The following KAZN variants were observed in gnomAD, a reference collection of about 807,000 sequenced individuals.
The protein encoded by KAZN is kazrin, periplakin interacting protein.
KAZN carries 40 observed loss-of-function variants against 87.4 expected under a neutral mutation model. The ratio of observed to expected loss-of-function variants is 0.46; its 90% CI spans 0.36 to 0.60. KAZN has a LOEUF of 0.60. Ranked by LOEUF, KAZN falls within the 20% of genes least tolerant of loss-of-function variation. The pLI, the probability that KAZN is intolerant of heterozygous loss-of-function variation, is 0.00. For missense variants in KAZN, 898 were observed against 1,073.9 expected (o/e 0.84, Z 2.29); for synonymous variants, 466 against 458.3 (o/e 1.02, Z -0.22).
chr1:14,227,288 C>A (rs1647374968), intron 2 of KAZN, among the ~76,000 whole-genome samples: 1 of 152,030 alleles, frequency 6.6e-6, no homozygotes, highest in Non-Finnish European at 1.5e-5. Context: ...GCTTTTGGAT[C>A]CTATGGGTCA....
chr1:15,025,306 G>A (rs1671059441), intron 2 of KAZN, among the ~76,000 whole-genome samples: 1 of 152,162 alleles, frequency 6.6e-6, no homozygotes, highest in South Asian at 2.1e-4. Context: ...CATCTCACTG[G>A]TGTGAATAGA....
chr1:14,860,195 C>T (rs1650670752), intron 1 of KAZN, among the ~76,000 whole-genome samples: 1 of 151,480 alleles, frequency 6.6e-6, no homozygotes, highest in South Asian at 2.1e-4. Flanking sequence ...CTCTCTCTCT[C>T]TCTTTCTCTT....
At chr1:14,068,094 C>T (rs1643083992) in intron 1 of KAZN, among the ~76,000 whole-genome samples, 1 of 151,112 alleles carries the variant, frequency 6.6e-6, no homozygotes, top group African/African-American at 2.4e-5. Flanking sequence ...TAACTGCTGG[C>T]AAGAGTGAGG....
chr1:14,877,789 T>G (rs1385818372), intron 1 of KAZN, among the ~76,000 whole-genome samples: 2 of 152,246 alleles, frequency 1.3e-5, no homozygotes, highest in African/African-American at 4.8e-5. Flanking sequence ...GCTTGATAGT[T>G]ATGGAATAAA....
Position 14,528,001 on chromosome 1 carries a change from A to ATCTG in KAZN, c.250-70979_250-70978insGTCT, listed in dbSNP as rs1222218775. Among the ~76,000 whole-genome samples the ATCTG allele has an allele frequency of 6.2e-5, 4 of 64,240 alleles. No homozygotes were observed. The South Asian group carries it at 2.2e-3, about 36-fold the overall frequency. 42.1% of individuals were successfully genotyped at this position (64,240 alleles called of 152,430 possible). A position where few individuals can be genotyped will look rare whatever the true frequency, so the allele number is the denominator to read the frequency against. On this transcript the variant is annotated intron_variant, in intron 2 of 16. Coordinates refer to the KAZN transcript ENST00000636203. ...ATAGTAGTGTCTGGTCTAGAATCCT[A>ATCTG]TCTATCTATCTATCTATCTATCTAT...
At chr1:14,885,910 C>T (rs1557589162) in intron 1 of KAZN, among the ~76,000 whole-genome samples, 1 of 152,138 alleles carries the variant, frequency 6.6e-6, no homozygotes. Flanking sequence ...AACTTCAGAT[C>T]CATGATGTAC....
At chr1:14,497,114 C>T (rs1170931174) in intron 2 of KAZN, among the ~76,000 whole-genome samples, 1 of 152,038 alleles carries the variant, frequency 6.6e-6, no homozygotes, top group African/African-American at 2.4e-5. Flanking sequence ...ACAAAGCATG[C>T]ACAAAAGAGG....
intron 2 of KAZN, among the ~76,000 whole-genome samples, chr1:14,287,206 A>G (rs141579029): frequency 1.3e-5 from 2 of 152,306 alleles, no homozygotes; most frequent in African/African-American, 4.8e-5. Flanking sequence ...TTTACATTTT[A>G]TGACAGATAC....
At chr1:15,071,981 G>A (rs569901782) in intron 8 of KAZN, among the ~76,000 whole-genome samples, 48 of 152,236 alleles carry the variant, frequency 3.2e-4, no homozygotes, top group African/African-American at 1.0e-3. Context: ...AATCCTCAAC[G>A]GAAGATTTGC....
intron 1 of KAZN, among the ~76,000 whole-genome samples, chr1:14,600,766 T>A (rs1476029920): frequency 6.6e-6 from 1 of 152,080 alleles, no homozygotes; most frequent in Non-Finnish European, 1.5e-5. Context: ...AGAACTGGCA[T>A]TTTGCTAAGA....
intron 1 of KAZN, among the ~76,000 whole-genome samples, chr1:14,687,289 G>A (rs770829180): frequency 2.0e-4 from 30 of 152,222 alleles, no homozygotes; most frequent in Non-Finnish European, 3.8e-4. Context: ...GCTAGGCACT[G>A]TGGGCACAGA....
chr1:14,258,218 C>CTTTCTTTCTTTT (rs539198790), intron 2 of KAZN, among the ~76,000 whole-genome samples: 1 of 126,452 alleles, frequency 7.9e-6, no homozygotes, highest in African/African-American at 3.0e-5. Flanking sequence ...TTCTTTCTTT[C>CTTTCTTTCTTTT]TTTTTTTTTT....
chr1:15,048,999 G>A (rs1338078320), intron 4 of KAZN, among the ~76,000 whole-genome samples: 2 of 152,176 alleles, frequency 1.3e-5, no homozygotes, highest in Admixed American at 1.3e-4. Context: ...TCCCCAAGAA[G>A]CACCCCGTCT....
intron 2 of KAZN, among the ~76,000 whole-genome samples, chr1:14,568,913 A>G (rs567632899): frequency 3.3e-5 from 5 of 152,220 alleles, no homozygotes; most frequent in Non-Finnish European, 7.3e-5. Flanking sequence ...TGGACCTACT[A>G]TGTGCCTTGC....
chr1:14,407,419 A>C (rs1218874717), intron 2 of KAZN, among the ~76,000 whole-genome samples: 2 of 152,246 alleles, frequency 1.3e-5, no homozygotes, highest in African/African-American at 4.8e-5. Flanking sequence ...TCCAACAGGC[A>C]AAAGAATCTT....
chr1:14,545,401 T>C (rs1413707472), intron 2 of KAZN, among the ~76,000 whole-genome samples: 1 of 152,220 alleles, frequency 6.6e-6, no homozygotes, highest in Non-Finnish European at 1.5e-5. Context: ...ACAGATTGTC[T>C]GAGTTGGAAT....
chr1:13,987,200 C>G (rs12067295), intron 1 of KAZN, among the ~76,000 whole-genome samples: 2 of 151,814 alleles, frequency 1.3e-5, no homozygotes, highest in South Asian at 4.1e-4. Flanking sequence ...ATGCACAGAA[C>G]GTGCAGGTTT....
At chr1:15,003,373 C>T (rs959208971) in intron 2 of KAZN, among the ~76,000 whole-genome samples, 2 of 152,170 alleles carry the variant, frequency 1.3e-5, no homozygotes, top group African/African-American at 4.8e-5. Context: ...CCACTCATCC[C>T]TTTGGGGGCC....
At chr1:13,983,509 C>G (rs968217645) in intron 1 of KAZN, among the ~76,000 whole-genome samples, 5 of 152,222 alleles carry the variant, frequency 3.3e-5, no homozygotes, top group African/African-American at 9.6e-5. Flanking sequence ...GGCCCGCAAG[C>G]ACGGCACACA....
Sources: allele counts gnomAD v4.1 joint callset (sites outside exome capture counted in the v4.1 genomes callset), GRCh38; gene constraint gnomAD v4.1.1; transcripts MANE v1.5; gene names NCBI Gene and HGNC (gene_info 2026-07-23, HGNC 2026-07-21).